Variants in NCAN observed in about 807,000 individuals in gnomAD.
NCAN encodes neurocan, also known as neurocan core protein.
NCAN carries 47 observed loss-of-function variants against 121.8 expected under a neutral mutation model. The observed-to-expected ratio is 0.39, with a 90% CI of 0.31 to 0.49. The LOEUF is 0.49. NCAN is among the 20% of genes least tolerant of loss of function. The pLI, the probability that NCAN is intolerant of heterozygous loss-of-function variation, is 0.92. For synonymous variants in NCAN, 633 were observed against 702.0 expected (o/e 0.90, Z 1.55); for missense variants, 1,517 against 1,773.4 (o/e 0.86, Z 2.60).
At chr19:19,228,670 C>T (rs1449407324) in intron 8 of NCAN, 31 bp downstream of exon 8, 8 of 1,574,232 alleles carry the variant, frequency 5.1e-6, no homozygotes, top group Non-Finnish European at 6.9e-6. Flanking sequence ...CTCTGTCCAG[C>T]TCTCCATGGT....
In NCAN at chr19:19,227,221, G is replaced by T; in HGVS notation, c.1661-60G>T. 6.6e-7 allele frequency: 1 copy of T among 1,506,656 alleles called. No individual in the cohort carries two copies. Among genetic ancestry groups the T allele is most frequent in the South Asian group, 1.3e-5 (1 of 74,326 alleles). The allele number at this position is 1,506,656 out of a possible 1,614,324, so 93.3% of individuals were successfully genotyped here. On this transcript the variant is annotated intron_variant, in intron 7 of 14. Coordinates refer to ENST00000252575, the MANE Select transcript of NCAN (RefSeq NM_004386.3). This position sits in a 1 kb window ranked among gnomAD's most constrained non-coding sequence, Gnocchi z 4.2. ...AGAAGCCCCCTCTCCCTTGGGCCTG[G>T]AGTCCAACCAAAGGGGCTGCTGAGA...
intron 12 of NCAN, among the ~76,000 whole-genome samples, chr19:19,240,983 C>T (rs1306664864): frequency 1.3e-5 from 2 of 152,302 alleles, no homozygotes; most frequent in East Asian, 1.9e-4. Context: ...CTCAAATATT[C>T]TCATTTCTAG....
Position 19,228,097 on chromosome 19 carries a change from T to C in NCAN, c.2477T>C (p.Val826Ala), listed in dbSNP as rs768528973. The C allele has an allele frequency of 6.2e-7, 1 of 1,613,590 alleles. No homozygotes were observed. The highest frequency in any genetic ancestry group is 1.1e-5 in the South Asian group (1 of 91,088). ...PWVATDEGPT[V>A]NPMDSTVTPA... is the part of the protein sequence containing the mutation. ...GTTGCTACAGATGAAGGACCCACTG[T>C]GAATCCCATGGATTCCACAGTCACG... Residue 826 changes from valine to alanine, a missense_variant, in exon 8 of 15, where the codon GTG becomes GCG. By Grantham distance (64) the Val-to-Ala change is moderately conservative. Transcript: ENST00000252575.
At chr19:19,246,433 C>T (rs567292053) in intron 13 of NCAN, among the ~76,000 whole-genome samples, 4 of 152,308 alleles carry the variant, frequency 2.6e-5, no homozygotes, top group Non-Finnish European at 5.9e-5. Context: ...GCTAACTCTG[C>T]ACATTCTTAA....
chr19:19,249,172 G>GCGAT (rs2060937371), intron 14 of NCAN, among the ~76,000 whole-genome samples: 1 of 151,460 alleles, frequency 6.6e-6, no homozygotes. Flanking sequence ...CCGGGTTCAA[G>GCGAT]CGATCCTTGT....
intron 12 of NCAN, among the ~76,000 whole-genome samples, chr19:19,244,509 T>A (rs779453882): frequency 3.4e-4 from 51 of 151,746 alleles, no homozygotes; most frequent in Non-Finnish European, 6.8e-4. Context: ...GGGTTTCACC[T>A]TGTTGTCCAA....
chr19:19,236,989 A>C (rs1437999085), intron 10 of NCAN, among the ~76,000 whole-genome samples: 1 of 151,968 alleles, frequency 6.6e-6, no homozygotes, highest in Admixed American at 6.6e-5. Context: ...ATCTTGGCTC[A>C]CTACAACCTC....
chr19:19,248,593 C>T, intron 13 of NCAN, 107 bp from the exon 14 acceptor site: 1 of 1,177,136 alleles, frequency 8.5e-7, no homozygotes, highest in Non-Finnish European at 1.2e-6. Flanking sequence ...CCACTGCACT[C>T]CAGTCTGGGT....
At chr19:19,214,441 G>T (rs1025429564) in intron 1 of NCAN, among the ~76,000 whole-genome samples, 2 of 152,094 alleles carry the variant, frequency 1.3e-5, no homozygotes, top group Non-Finnish European at 2.9e-5. Context: ...GAGTGGGAGG[G>T]TGTGTGTGGG....
At position 19,219,323 on chromosome 19, in the gene NCAN, TG is replaced by T; in HGVS notation, c.475+12del. 1.3e-6 allele frequency: 2 copies of T among 1,514,914 alleles called. No homozygotes were observed. The highest frequency in any genetic ancestry group is 1.8e-6 in the Non-Finnish European group (2 of 1,132,226). 93.8% of individuals were successfully genotyped at this position (1,514,914 alleles called of 1,614,324 possible). ...GTGCCCTTGGAGGTGACAGGTCAGTTGGGGGCAAAGGAGGGGCCGGGGGCCG... is the reference window on the plus strand; with the variant it reads ...GTGCCCTTGGAGGTGACAGGTCAGTTGGGGCAAAGGAGGGGCCGGGGGCCG... On this transcript the variant is annotated splice_region_variant and intron_variant, in intron 3 of 14. Transcript: ENST00000252575.
chr19:19,213,629 TC>T (rs1262314338), intron 1 of NCAN, among the ~76,000 whole-genome samples: 1 of 152,014 alleles, frequency 6.6e-6, no homozygotes, highest in African/African-American at 2.4e-5. Context: ...AGTGTGTGTT[TC>T]CCCAGGGTCT....
At position 19,227,353 on chromosome 19, in the gene NCAN, G is replaced by T; in HGVS notation, c.1733G>T (p.Gly578Val). Residue 578 changes from glycine (G) to valine (V), a missense_variant, in exon 8 of 15, where the codon GGC (glycine) becomes GTC (valine). Transcript: ENST00000252575. This position sits in a 1 kb window ranked among gnomAD's most constrained non-coding sequence, Gnocchi z 4.2. ...PPTMVPPSIS[G>V]HSRAPVLELE... ...ACCATGGTCCCACCCAGCATCTCAGGCCACAGCAGGGCCCCTGTCCTGGAG... is the reference window on the plus strand; with the variant it reads ...ACCATGGTCCCACCCAGCATCTCAGTCCACAGCAGGGCCCCTGTCCTGGAG... 6.2e-7 allele frequency: 1 copy of T among 1,612,822 alleles called. No homozygotes were observed.
Position 19,249,944 on chromosome 19 carries a change from C to A in NCAN, c.*33C>A. The A allele has an allele frequency of 2.5e-6, 4 of 1,591,488 alleles. No homozygotes were observed. Among genetic ancestry groups the A allele is most frequent in the Non-Finnish European group, 3.4e-6 (4 of 1,168,082 alleles). ...GAAAAAAGAAAGCACAACACCTTTC[C>A]CATGCCTCCTCTGGAGCCTTCGCCT... On this transcript the variant is annotated 3_prime_UTR_variant, in exon 15 of 15. Transcript: ENST00000252575.
At position 19,218,973 on chromosome 19, in the gene NCAN, TG is replaced by T. The variant is rs1409316550; in HGVS notation, c.135del (p.Ser46GlnfsTer31). 6.4e-7 allele frequency: 1 copy of T among 1,556,102 alleles called. No individual in the cohort carries two copies. The highest frequency in any genetic ancestry group is 1.7e-4 in the Middle Eastern group (1 of 5,782). On this transcript the variant is annotated frameshift_variant, in exon 3 of 15. Transcript: ENST00000252575. LOFTEE classifies it high-confidence loss of function. ...RGLHMQKLGSGSVQAALAELV... is the reference protein window; with the variant it reads ...RGLHMQKLGSXSVQAALAELV... Reference sequence around the variant, plus strand: ...GGCTCCACATGCAGAAGCTGGGGTCTGGGTCAGTGCAGGCTGCGCTGGCGGA... The same window carrying T: ...GGCTCCACATGCAGAAGCTGGGGTCTGGTCAGTGCAGGCTGCGCTGGCGGA...
rs776195179 is a variant in NCAN, at chr19:19,228,273, C to G, written c.2653C>G (p.Pro885Ala). Residue 885 changes from proline (P) to alanine (A), a missense_variant, in exon 8 of 15, where the codon CCA becomes GCA. Physicochemically the swap from Pro to Ala is conservative, Grantham distance 27. Transcript: ENST00000252575. ...TLEQGDKVGV[P>A]AMSTLGSSSS... ...GGAGCAGGGGGACAAGGTTGGAGTT[C>G]CAGCCATGTCTACACTGGGCTCCTC... The G allele has an allele frequency of 1.2e-5, 20 of 1,613,948 alleles. No individual in the cohort carries two copies. The highest frequency in any genetic ancestry group is 1.6e-5 in the Non-Finnish European group (19 of 1,180,006).
chr19:19,236,535 C>T (rs949330696), intron 10 of NCAN, among the ~76,000 whole-genome samples: 2 of 151,888 alleles, frequency 1.3e-5, no homozygotes, highest in Non-Finnish European at 2.9e-5. Flanking sequence ...TTTCCCTCTA[C>T]TCTTTTTGGT....
At chr19:19,232,088 A>G (rs529201259) in intron 8 of NCAN, among the ~76,000 whole-genome samples, 6 of 152,218 alleles carry the variant, frequency 3.9e-5, no homozygotes, top group African/African-American at 1.4e-4. Context: ...GCCCAAAGAA[A>G]TAGAGAAGGG....
chr19:19,240,792 C>T, intron 12 of NCAN, 107 bp downstream of exon 12: 1 of 1,060,194 alleles, frequency 9.4e-7, no homozygotes, highest in Middle Eastern at 2.1e-4. Context: ...TGTCAGAGGT[C>T]TCTAGTGGCT....
In NCAN at chr19:19,224,200, G is replaced by A. The variant is rs982307648; in HGVS notation, c.650+5G>A. Reference sequence around the variant, plus strand: ...GCTCTCTGACCGCACTGTTCGGTGAGGGGGATACACAGGGCAGGGAGATGA... The same window carrying A: ...GCTCTCTGACCGCACTGTTCGGTGAAGGGGATACACAGGGCAGGGAGATGA... On this transcript the variant is annotated splice_donor_5th_base_variant and intron_variant, in intron 4 of 14. Transcript: ENST00000252575. The A allele has an allele frequency of 1.3e-6, 2 of 1,587,348 alleles. No individual in the cohort carries two copies. The highest frequency in any genetic ancestry group is 2.7e-5 in the African/African-American group (2 of 74,522).
Sources: gnomAD v4.1 joint callset for allele counts (sites outside exome capture counted in the v4.1 genomes callset) on GRCh38, gnomAD v4.1.1 for gene constraint, Gnocchi (gnomAD v3.1) non-coding constraint, MANE v1.5 for transcripts, NCBI Gene and HGNC (gene_info 2026-07-23, HGNC 2026-07-21) for gene names.